CNTN4: variants seen among roughly 807,000 people sequenced by gnomAD.
CNTN4 encodes the protein contactin 4.
In CNTN4, 77 loss-of-function variants were observed where a neutral mutation model predicts 122.5. The ratio of observed to expected loss-of-function variants is 0.63; its 90% CI spans 0.52 to 0.76. The LOEUF (loss-of-function observed/expected upper bound fraction) is 0.76. CNTN4 is among the 30% of genes least tolerant of loss of function. The pLI is 0.00. For synonymous variants in CNTN4, 512 were observed against 447.0 expected (o/e 1.15, Z -1.83); for missense variants, 1,256 against 1,259.1 (o/e 1.00, Z 0.04).
chr3:2,997,136 C>T (rs1445199415), intron 14 of CNTN4, among the ~76,000 whole-genome samples: 3 of 152,158 alleles, frequency 2.0e-5, no homozygotes, highest in Non-Finnish European at 4.4e-5. Flanking sequence ...AAAATAATTT[C>T]CATAGCTGAA....
At chr3:2,387,877 G>A (rs576492391) in intron 3 of CNTN4, among the ~76,000 whole-genome samples, 3 of 152,316 alleles carry the variant, frequency 2.0e-5, no homozygotes, top group South Asian at 2.1e-4. Context: ...AGAATAAAGT[G>A]TGAATCAAAT....
At chr3:2,750,473 T>C (rs2090038213) in intron 6 of CNTN4, among the ~76,000 whole-genome samples, 1 of 152,220 alleles carries the variant, frequency 6.6e-6, no homozygotes, top group Non-Finnish European at 1.5e-5. Context: ...ATGAGACCAC[T>C]AAGAACTTGC....
At chr3:2,641,374 G>A (rs755393673) in intron 4 of CNTN4, among the ~76,000 whole-genome samples, 3 of 152,102 alleles carry the variant, frequency 2.0e-5, no homozygotes, top group African/African-American at 4.8e-5. Context: ...AGACGTGAAA[G>A]CAGGAAACAC....
chr3:2,878,887 A>C (rs1160592813), intron 8 of CNTN4, among the ~76,000 whole-genome samples: 1 of 152,168 alleles, frequency 6.6e-6, no homozygotes, highest in Non-Finnish European at 1.5e-5. Context: ...AGTAGTAGAG[A>C]ATAACTCTAC....
rs529048354 is a variant in CNTN4 at position 2,816,164 on chromosome 3, C to T, written c.359-3322C>T. On this transcript the variant is annotated intron_variant, in intron 6 of 24. Coordinates refer to ENST00000418658, the MANE Select transcript of CNTN4 (RefSeq NM_175607.3). ...GGTCAGGAGATCGAGACCATCCTGG[C>T]TAACACGGTGAAACCCCGTCTCTAC... Among the ~76,000 whole-genome samples the T allele has an allele frequency of 2.8e-4, 42 of 151,784 alleles. No homozygotes were observed. The South Asian group carries it at 8.7e-3, about 31-fold the overall frequency.
chr3:2,896,037 A>AAAAT (rs2094111029), intron 10 of CNTN4, among the ~76,000 whole-genome samples: 1 of 152,108 alleles, frequency 6.6e-6, no homozygotes, highest in East Asian at 1.9e-4. Context: ...TGTCTCAAAA[A>AAAAT]AAATAAATAA....
chr3:2,538,650 T>G (rs1408574341), intron 3 of CNTN4, among the ~76,000 whole-genome samples: 1 of 152,008 alleles, frequency 6.6e-6, no homozygotes, highest in Non-Finnish European at 1.5e-5. Context: ...CTTGTTAACT[T>G]TCATAACTGC....
At position 2,631,913 on chromosome 3, in the gene CNTN4, A is replaced by G. The variant is rs1333732301; in HGVS notation, c.55+60355A>G. On this transcript the variant is annotated intron_variant, in intron 4 of 24. Transcript: ENST00000418658. ...ACAACAACTAAAAAATTAGCTGGAC[A>G]TGGTGGCGTGCACCTGTAATCCTAC... Among the ~76,000 whole-genome samples the G allele has an allele frequency of 4.6e-5, 7 of 150,592 alleles. No individual in the cohort carries two copies. In the East Asian group the frequency reaches 5.9e-4, roughly 13 times the overall value.
chr3:2,427,559 GT>G (rs1285324548), intron 3 of CNTN4, among the ~76,000 whole-genome samples: 1 of 152,180 alleles, frequency 6.6e-6, no homozygotes. Context: ...TTGATTTGGG[GT>G]GGAGAGTTCT....
At chr3:2,114,541 G>A (rs759465854) in intron 2 of CNTN4, among the ~76,000 whole-genome samples, 4 of 152,134 alleles carry the variant, frequency 2.6e-5, no homozygotes, top group Non-Finnish European at 5.9e-5. Flanking sequence ...GGCAAGTTTG[G>A]AGAATGCCAA....
intron 13 of CNTN4, among the ~76,000 whole-genome samples, chr3:2,963,917 G>C (rs1055254952): frequency 1.3e-5 from 2 of 152,180 alleles, no homozygotes. Flanking sequence ...TGTTGAATTA[G>C]TGAATTGAAG....
chr3:3,017,654 A>T (rs1028949437), intron 14 of CNTN4, among the ~76,000 whole-genome samples: 1 of 152,200 alleles, frequency 6.6e-6, no homozygotes, highest in African/African-American at 2.4e-5. Context: ...ATTGGGTGCA[A>T]TGTCCTTTAT....
intron 4 of CNTN4, among the ~76,000 whole-genome samples, chr3:2,604,409 G>C (rs929697557): frequency 6.6e-6 from 1 of 152,076 alleles, no homozygotes; most frequent in Non-Finnish European, 1.5e-5. Context: ...CTTTGGAGAC[G>C]TTGCAGAAAA....
intron 2 of CNTN4, among the ~76,000 whole-genome samples, chr3:2,334,460 A>G (rs1458566070): frequency 6.6e-6 from 1 of 152,100 alleles, no homozygotes; most frequent in African/African-American, 2.4e-5. Flanking sequence ...CACCTGGCCC[A>G]TTTTATCTTT....
At chr3:2,447,024 A>G (rs1575650829) in intron 3 of CNTN4, among the ~76,000 whole-genome samples, 1 of 152,350 alleles carries the variant, frequency 6.6e-6, no homozygotes, top group East Asian at 1.9e-4. Flanking sequence ...AAGACATGTC[A>G]TATTTTATCT....
rs552862707 is a variant in CNTN4, at chr3:2,887,113, A to G, written c.829A>G (p.Asn277Asp). The G allele has an allele frequency of 1.7e-5, 27 of 1,614,178 alleles. No homozygotes were observed. In the South Asian group the frequency reaches 2.9e-4, roughly 17 times the overall value. Residue 277 changes from asparagine (N) to aspartate (D), a missense_variant, in exon 10 of 25, where the codon AAT becomes GAT. Asn to Asp is a conservative substitution (Grantham distance 23). Transcript: ENST00000418658. The stretch of plus-strand genomic sequence containing the variant: ...AAGGAAAGCCAGAAGACACAAGTCA[A>G]ATGGAATTCTTGAGATCCCTAATTT... ...IARKARRHKS[N>D]GILEIPNFQQ...
At chr3:2,732,426 T>C (rs960073701) in intron 4 of CNTN4, among the ~76,000 whole-genome samples, 2 of 152,076 alleles carry the variant, frequency 1.3e-5, no homozygotes, top group Non-Finnish European at 2.9e-5. Context: ...TCCTCTGTCA[T>C]TTGCTGCGAT....
chr3:2,280,690 G>A (rs2041682190), intron 2 of CNTN4, among the ~76,000 whole-genome samples: 1 of 152,128 alleles, frequency 6.6e-6, no homozygotes, highest in Non-Finnish European at 1.5e-5. Flanking sequence ...TATTTTTCAT[G>A]GAAAAACCCA....
chr3:2,173,312 T>C (rs1212222442), intron 2 of CNTN4, among the ~76,000 whole-genome samples: 3 of 152,166 alleles, frequency 2.0e-5, no homozygotes, highest in Non-Finnish European at 4.4e-5. Context: ...AGCCGGTTGA[T>C]GGACTTCAGC....
Sources: allele counts gnomAD v4.1 joint callset (sites outside exome capture counted in the v4.1 genomes callset), GRCh38; gene constraint gnomAD v4.1.1; transcripts MANE v1.5; gene names NCBI Gene and HGNC (gene_info 2026-07-23, HGNC 2026-07-21).